The following WT1 variants were observed in gnomAD, a reference collection of about 807,000 sequenced individuals.
The protein encoded by WT1 is WT1 transcription factor, also known as Wilms tumor protein.
WT1 carries 8 observed loss-of-function variants against 60.8 expected under a neutral mutation model. The observed-to-expected ratio is 0.13, with a 90% CI of 0.08 to 0.24. The LOEUF (loss-of-function observed/expected upper bound fraction) is 0.24, where lower values mean the gene tolerates loss of function less well. WT1 is among the 10% of genes least tolerant of loss of function. The pLI, the probability that WT1 is intolerant of heterozygous loss-of-function variation, is 1.00. For missense variants in WT1, 568 were observed against 711.8 expected (o/e 0.80, Z 2.30); for synonymous variants, 312 against 297.1 (o/e 1.05, Z -0.52).
intron 5 of WT1, among the ~76,000 whole-genome samples, chr11:32,402,227 C>A (rs1194438347): frequency 1.3e-5 from 2 of 152,204 alleles, no homozygotes; most frequent in African/African-American, 4.8e-5. Flanking sequence ...TTATCTAGGG[C>A]AGGGGGAATG....
chr11:32,414,025 C>A (rs976463766), intron 5 of WT1, among the ~76,000 whole-genome samples: 1 of 152,190 alleles, frequency 6.6e-6, no homozygotes, highest in Admixed American at 6.5e-5. Flanking sequence ...GCCCCTCACA[C>A]GGCACCCAAT....
At chr11:32,424,260 A>G (rs1852951787) in intron 3 of WT1, among the ~76,000 whole-genome samples, 1 of 152,088 alleles carries the variant, frequency 6.6e-6, no homozygotes, top group Non-Finnish European at 1.5e-5. Context: ...TTCAGAGCAC[A>G]GCTGGGCTGT....
chr11:32,435,249 C>G lies in WT1; in HGVS notation c.112G>C (p.Val38Leu), dbSNP rs1229949294. The G allele has an allele frequency of 1.2e-5, 18 of 1,535,428 alleles. No individual in the cohort carries two copies. The highest frequency in any genetic ancestry group is 1.5e-5 in the Non-Finnish European group (17 of 1,147,112). ...GCCCAGATGCCGCCCGGGTCCCGGA[C>G]TCCCTGCTGCTCTGGCTGCTGTAGG... The change falls in exon 1 of 10, where the codon GTC becomes CTC. Residue 38 changes from valine (V) to leucine (L), a missense_variant. This residue lies in a region of WT1 where 523 missense variants were observed against 565.1 expected (regional missense o/e 0.93). Coordinates refer to ENST00000452863, the MANE Select transcript of WT1 (RefSeq NM_024426.6).
At chr11:32,390,560 G>A (rs537134193) in intron 9 of WT1, among the ~76,000 whole-genome samples, 1 of 152,280 alleles carries the variant, frequency 6.6e-6, no homozygotes, top group South Asian at 2.1e-4. Flanking sequence ...CGAAGAATCT[G>A]GGGCTGCTCA....
intron 5 of WT1, among the ~76,000 whole-genome samples, chr11:32,404,406 A>T (rs1480166938): frequency 6.6e-6 from 1 of 152,094 alleles, no homozygotes; most frequent in Non-Finnish European, 1.5e-5. Context: ...TCCTTGGCCA[A>T]GATAGTCAGG....
chr11:32,425,356 A>G (rs1338418886), intron 3 of WT1, among the ~76,000 whole-genome samples: 1 of 152,216 alleles, frequency 6.6e-6, no homozygotes, highest in Non-Finnish European at 1.5e-5. Context: ...AGGGACCAGT[A>G]GAAGCACCAC....
Position 32,435,009 on chromosome 11 carries a change from C to T in WT1, c.352G>A (p.Ala118Thr), listed in dbSNP as rs1253163678. 11 of 1,487,654 alleles carry T rather than the reference C, an allele frequency of 7.4e-6. No individual in the cohort carries two copies. Among genetic ancestry groups the T allele is most frequent in the Non-Finnish European group, 8.0e-6 (9 of 1,129,288 alleles). 92.2% of individuals were successfully genotyped at this position (1,487,654 alleles called of 1,614,324 possible). A position where few individuals can be genotyped will look rare whatever the true frequency, so the allele number is the denominator to read the frequency against. The change falls in exon 1 of 10, where the codon GCT becomes ACT. Residue 118 changes from alanine to threonine, a missense_variant. Transcript: ENST00000452863. Reference sequence around the variant, plus strand: ...CCGCCCAACGACCCGTAAGCCGAAGCGCCCGGGGGCGCAAAGTCCAGCACC... The same window carrying T: ...CCGCCCAACGACCCGTAAGCCGAAGTGCCCGGGGGCGCAAAGTCCAGCACC...
At chr11:32,404,021 C>A (rs914319642) in intron 5 of WT1, among the ~76,000 whole-genome samples, 1 of 152,092 alleles carries the variant, frequency 6.6e-6, no homozygotes, top group Non-Finnish European at 1.5e-5. Context: ...CGCCTGTAAT[C>A]CCAGCACTTT....
At chr11:32,405,371 C>T (rs1390657017) in intron 5 of WT1, among the ~76,000 whole-genome samples, 2 of 152,022 alleles carry the variant, frequency 1.3e-5, no homozygotes, top group African/African-American at 4.8e-5. Flanking sequence ...TAAAGAATCA[C>T]TGTCGGGTCA....
intron 5 of WT1, among the ~76,000 whole-genome samples, chr11:32,408,290 A>T (rs1179907047): frequency 6.6e-6 from 1 of 151,890 alleles, no homozygotes; most frequent in Non-Finnish European, 1.5e-5. Context: ...AGGCAGGCAG[A>T]TCCCTTGAGG....
At chr11:32,428,208 C>T (rs1221064335) in intron 2 of WT1, 150 bp from the exon 3 acceptor site, 22 of 903,338 alleles carry the variant, frequency 2.4e-5, no homozygotes, top group South Asian at 1.7e-4. Flanking sequence ...GTCCAGAATG[C>T]AAGAAGCTAA....
intron 5 of WT1, among the ~76,000 whole-genome samples, chr11:32,407,981 G>C (rs1452878877): frequency 6.6e-6 from 1 of 152,154 alleles, no homozygotes; most frequent in Non-Finnish European, 1.5e-5. Flanking sequence ...CCAGCACTAC[G>C]GGAGGCTGAG....
chr11:32,416,513 C>G lies in WT1; in HGVS notation c.993G>C (p.Val331=). Residue 331 remains valine, a synonymous_variant, in exon 5 of 10, where the codon GTG becomes GTC. Coordinates refer to ENST00000452863, the MANE Select transcript of WT1 (RefSeq NM_024426.6). ...ACTTGCTCTGCCCTTCTGTCCATTT[C>G]ACTGAGCTGGAGCTCCCAGCAGCAA... is the stretch of plus-strand genomic sequence containing the variant. The G allele has an allele frequency of 1.2e-6, 2 of 1,614,200 alleles. No homozygotes were observed. The highest frequency in any genetic ancestry group is 1.7e-6 in the Non-Finnish European group (2 of 1,180,052).
chr11:32,416,485 C>T lies in WT1; in HGVS notation c.1016+5G>A, dbSNP rs1852674188. On this transcript the variant is annotated splice_donor_5th_base_variant and intron_variant, in intron 5 of 9. Coordinates refer to ENST00000452863, the MANE Select transcript of WT1 (RefSeq NM_024426.6). ...TGCTTTGCCATCTCCGCATTGTCCA[C>T]TCACTTGCTCTGCCCTTCTGTCCAT... 1 of 1,614,176 alleles carries T rather than the reference C, an allele frequency of 6.2e-7. No homozygotes were observed. The highest frequency in any genetic ancestry group is 8.5e-7 in the Non-Finnish European group (1 of 1,180,024).
chr11:32,395,553 C>T (rs1851942293), intron 7 of WT1, among the ~76,000 whole-genome samples: 1 of 151,442 alleles, frequency 6.6e-6, no homozygotes, highest in African/African-American at 2.4e-5. Context: ...CTCACTGCAA[C>T]CTCTGCCTCC....
intron 5 of WT1, among the ~76,000 whole-genome samples, chr11:32,406,474 C>T (rs980818254): frequency 1.2e-4 from 18 of 152,110 alleles, no homozygotes; most frequent in African/African-American, 4.1e-4. Context: ...CCGCTCACCT[C>T]CTGCTGCAAG....
intron 3 of WT1, among the ~76,000 whole-genome samples, chr11:32,426,693 G>GA (rs369786717): frequency 0.032 from 4,769 of 151,170 alleles, 214 homozygotes; most frequent in African/African-American, 0.09. Flanking sequence ...GGAAAAAAAG[G>GA]AAAAAAAAAG....
chr11:32,408,356 A>G (rs141990496), intron 5 of WT1, among the ~76,000 whole-genome samples: 4 of 151,892 alleles, frequency 2.6e-5, no homozygotes, highest in African/African-American at 9.7e-5. Flanking sequence ...CTACTAAAAA[A>G]TACAAAACAT....
intron 5 of WT1, among the ~76,000 whole-genome samples, chr11:32,408,514 T>TAAAAAAAAAAAA (rs58685266): frequency 8.1e-5 from 6 of 74,234 alleles, no homozygotes; most frequent in Admixed American, 1.6e-4. Flanking sequence ...GACTACGTCT[T>TAAAAAAAAAAAA]AAAAAAAAAA....
Sources: allele counts gnomAD v4.1 joint callset (sites outside exome capture counted in the v4.1 genomes callset), GRCh38; gene constraint gnomAD v4.1.1; regional missense constraint gnomAD v4.1.1; transcripts MANE v1.5; gene names NCBI Gene and HGNC (gene_info 2026-07-23, HGNC 2026-07-21).